The following SP4 variants were observed in gnomAD, a reference collection of about 807,000 sequenced individuals.
SP4 encodes transcription factor Sp4.
SP4 carries 19 observed loss-of-function variants against 72.8 expected under a neutral mutation model. The ratio of observed to expected loss-of-function variants is 0.26; its 90% CI spans 0.18 to 0.38. The LOEUF (loss-of-function observed/expected upper bound fraction) is 0.38, where lower values mean the gene tolerates loss of function less well. Ranked by LOEUF, SP4 falls within the 10% of genes least tolerant of loss-of-function variation. The pLI, the probability that SP4 is intolerant of heterozygous loss-of-function variation, is 1.00. For missense variants in SP4, 1,008 were observed against 926.3 expected, an observed-to-expected ratio of 1.09 and a Z score of -1.14; for synonymous variants, 395 against 333.1, an observed-to-expected ratio of 1.19 and a Z score of -2.02.
chr7:21,461,274 C>G (rs189024081), intron 3 of SP4, among the ~76,000 whole-genome samples: 2 of 151,908 alleles, frequency 1.3e-5, no homozygotes, highest in Non-Finnish European at 2.9e-5. Flanking sequence ...AGACTCAGGC[C>G]GTGCAGGAGC....
At chr7:21,463,076 C>CTT (rs578120285) in intron 3 of SP4, among the ~76,000 whole-genome samples, 8 of 137,888 alleles carry the variant, frequency 5.8e-5, no homozygotes, top group Non-Finnish European at 9.5e-5. Context: ...AATAACTTTT[C>CTT]TTTTTTTTTT....
intron 3 of SP4, among the ~76,000 whole-genome samples, chr7:21,475,878 C>T (rs1164027552): frequency 6.6e-6 from 1 of 152,182 alleles, no homozygotes; most frequent in Non-Finnish European, 1.5e-5. Context: ...TAGAAACATT[C>T]TTTCATAAAT....
intron 3 of SP4, among the ~76,000 whole-genome samples, chr7:21,453,629 G>T (rs1447556068): frequency 6.6e-6 from 1 of 152,120 alleles, no homozygotes; most frequent in Non-Finnish European, 1.5e-5. Flanking sequence ...GTCAAACCCA[G>T]TTCTTAATAA....
At position 21,444,003 on chromosome 7, in the gene SP4, A is replaced by C. The variant is rs138142182; in HGVS notation, c.1678+13160A>C. ...AGTTAAAGCGTATTTTTATTTTCAGAATTTCTCTCACCTGTTGTTGTTATT... is the reference window on the plus strand; with the variant it reads ...AGTTAAAGCGTATTTTTATTTTCAGCATTTCTCTCACCTGTTGTTGTTATT... On this transcript the variant is annotated intron_variant, in intron 3 of 5. Transcript: ENST00000222584. Among the ~76,000 whole-genome samples, 48 of 152,244 alleles carry C rather than the reference A, an allele frequency of 3.2e-4. No individual in the cohort carries two copies. In the East Asian group the frequency reaches 3.7e-3, roughly 12 times the overall value.
intron 5 of SP4, among the ~76,000 whole-genome samples, chr7:21,496,670 ATTAT>A (rs779216900): frequency 3.4e-4 from 52 of 151,958 alleles, no homozygotes; most frequent in Non-Finnish European, 4.1e-4. Context: ...TATGCAGATT[ATTAT>A]TTATTTATTT....
chr7:21,492,949 C>G (rs1301432675), intron 5 of SP4, among the ~76,000 whole-genome samples: 2 of 152,170 alleles, frequency 1.3e-5, no homozygotes, highest in Non-Finnish European at 2.9e-5. Flanking sequence ...CCTGTAATCC[C>G]AGCACTTTGG....
At chr7:21,431,578 GAATT>G (rs1309161622) in intron 3 of SP4, among the ~76,000 whole-genome samples, 2 of 152,198 alleles carry the variant, frequency 1.3e-5, no homozygotes, top group Admixed American at 6.5e-5. Flanking sequence ...TCACTAATTT[GAATT>G]AATTGTGGTA....
chr7:21,484,241 G>C (rs1234449392), intron 5 of SP4, among the ~76,000 whole-genome samples: 1 of 151,824 alleles, frequency 6.6e-6, no homozygotes, highest in Non-Finnish European at 1.5e-5. Flanking sequence ...TTCAGATTTT[G>C]CATGTGCACA....
intron 2 of SP4, 37 bp from the exon 3 acceptor site, chr7:21,429,252 C>T (rs1038333303): frequency 1.3e-4 from 8 of 60,878 alleles, no homozygotes; most frequent in South Asian, 2.7e-4. Flanking sequence ...CACTTTTTTT[C>T]CCCCCCCCCT....
At chr7:21,464,170 G>A (rs977175931) in intron 3 of SP4, among the ~76,000 whole-genome samples, 1 of 147,396 alleles carries the variant, frequency 6.8e-6, no homozygotes, top group African/African-American at 2.5e-5. Context: ...TGTCACCCAG[G>A]CTGGAGTGCA....
intron 5 of SP4, among the ~76,000 whole-genome samples, chr7:21,498,236 A>C (rs1477661491): frequency 1.3e-5 from 2 of 152,196 alleles, no homozygotes; most frequent in Non-Finnish European, 2.9e-5. Context: ...AACTATTTAT[A>C]TTAGTCATAA....
chr7:21,459,065 G>T (rs896038624), intron 3 of SP4, among the ~76,000 whole-genome samples: 5 of 152,176 alleles, frequency 3.3e-5, no homozygotes, highest in Non-Finnish European at 5.9e-5. Context: ...TCCAGAGCTA[G>T]ACTGATTTAA....
At chr7:21,473,191 C>T (rs1425406330) in intron 3 of SP4, among the ~76,000 whole-genome samples, 1 of 152,138 alleles carries the variant, frequency 6.6e-6, no homozygotes, top group African/African-American at 2.4e-5. Flanking sequence ...AGATGATAAT[C>T]TTGCTTGGAA....
At chr7:21,451,316 C>G (rs1783593693) in intron 3 of SP4, among the ~76,000 whole-genome samples, 1 of 152,204 alleles carries the variant, frequency 6.6e-6, no homozygotes, top group African/African-American at 2.4e-5. Flanking sequence ...TTCCCTGTTG[C>G]TGGCTGTGAC....
At chr7:21,469,175 T>C (rs1196490840) in intron 3 of SP4, among the ~76,000 whole-genome samples, 9 of 152,156 alleles carry the variant, frequency 5.9e-5, no homozygotes, top group African/African-American at 1.9e-4. Flanking sequence ...ATTGCACAAC[T>C]ATTAAAATAA....
At chr7:21,429,251 T>TGGG in intron 2 of SP4, 38 bp from the exon 3 acceptor site, 1 of 1,026,082 alleles carries the variant, frequency 9.7e-7, no homozygotes, top group Non-Finnish European at 1.4e-6. Context: ...CCACTTTTTT[T>TGGG]CCCCCCCCCC....
At chr7:21,475,969 G>T (rs1057114695) in intron 3 of SP4, among the ~76,000 whole-genome samples, 1 of 152,096 alleles carries the variant, frequency 6.6e-6, no homozygotes, top group African/African-American at 2.4e-5. Context: ...TGAAAGAAAA[G>T]ATAATTATAA....
At chr7:21,462,455 A>G (rs2282893) in intron 3 of SP4, among the ~76,000 whole-genome samples, 32,834 of 152,144 alleles carry the variant, frequency 0.22, 3,705 homozygotes, top group Middle Eastern at 0.44. Flanking sequence ...CTGGATGACC[A>G]TGAAAGTGCT....
intron 3 of SP4, among the ~76,000 whole-genome samples, chr7:21,461,471 T>C (rs1783980010): frequency 6.6e-6 from 1 of 152,184 alleles, no homozygotes; most frequent in Admixed American, 6.5e-5. Flanking sequence ...CCGCAGCTGC[T>C]GACCCAGGTG....
Sources: gnomAD v4.1 joint callset for allele counts (sites outside exome capture counted in the v4.1 genomes callset) on GRCh38, gnomAD v4.1.1 for gene constraint, MANE v1.5 for transcripts, NCBI Gene and HGNC (gene_info 2026-07-23, HGNC 2026-07-21) for gene names.